GPR143: variants seen among roughly 807,000 people sequenced by gnomAD.
GPR143 encodes G-protein coupled receptor 143.
Under a neutral mutation model 27.6 loss-of-function variants are expected in GPR143, and 8 were observed. That is an observed-to-expected ratio of 0.29 (90% CI 0.17 to 0.52). GPR143 has a LOEUF of 0.52. Among genes scored for constraint, GPR143 ranks in the 20% least tolerant of loss-of-function variants. GPR143 has a pLI of 0.96. For synonymous variants in GPR143, 156 were observed against 153.2 expected, an observed-to-expected ratio of 1.02 and a Z score of -0.13; for missense variants, 303 against 343.1, an observed-to-expected ratio of 0.88 and a Z score of 0.92.
At chrX:9,756,250 A>G (rs779307904) in intron 3 of GPR143, among the ~76,000 whole-genome samples, 8 of 112,444 alleles carry the variant, frequency 7.1e-5, no homozygotes, top group Non-Finnish European at 1.3e-4. Context: ...CCTGTGCACA[A>G]AAATTCTAAG....
intron 3 of GPR143, among the ~76,000 whole-genome samples, chrX:9,749,461 A>G (rs762366622): frequency 9.0e-6 from 1 of 111,006 alleles, no homozygotes; most frequent in South Asian, 3.9e-4. Context: ...CCCAGCCCCT[A>G]GCAACCACTA....
At chrX:9,730,448 C>T (rs1205648076) in intron 8 of GPR143, among the ~76,000 whole-genome samples, 3 of 111,963 alleles carry the variant, frequency 2.7e-5, no homozygotes, top group Non-Finnish European at 5.6e-5. Context: ...GAAGACACCA[C>T]GTGTTACTTT....
Position 9,746,076 on chromosome X carries a change from T to C in GPR143, c.626A>G (p.Asn209Ser). 8.3e-7 allele frequency: 1 copy of C among 1,201,399 alleles called. No homozygotes were observed. Reference sequence around the variant, plus strand: ...CACTGTCTTTTGGAACAGGATGGGGTTCGCCACGAGAACCAGCAGCAGGGG... The same window carrying C: ...CACTGTCTTTTGGAACAGGATGGGGCTCGCCACGAGAACCAGCAGCAGGGG... ...YLPLLLVLVA[N>S]PILFQKTVTA... is the part of the protein sequence containing the mutation. The change falls in exon 5 of 9, where the codon AAC (asparagine) becomes AGC (serine). Residue 209 changes from asparagine to serine, a missense_variant. Transcript: ENST00000467482.
At chrX:9,742,529 G>A (rs16985696) in intron 6 of GPR143, among the ~76,000 whole-genome samples, 6,507 of 111,672 alleles carry the variant, frequency 0.058, 445 homozygotes, top group African/African-American at 0.2. Context: ...ACCACGACCC[G>A]CGCAGGTGAA....
At chrX:9,739,933 G>A (rs1480963497) in intron 7 of GPR143, among the ~76,000 whole-genome samples, 1 of 111,572 alleles carries the variant, frequency 9.0e-6, no homozygotes, top group Non-Finnish European at 1.9e-5. Flanking sequence ...TACCTTCAAG[G>A]GTGCCTGAAA....
At chrX:9,750,360 C>T (rs2083446231) in intron 3 of GPR143, among the ~76,000 whole-genome samples, 2 of 108,770 alleles carry the variant, frequency 1.8e-5, no homozygotes, top group Non-Finnish European at 3.8e-5. Context: ...CAGGCATGCA[C>T]CACCATGCCC....
At chrX:9,733,428 G>A (rs1348103503) in intron 8 of GPR143, among the ~76,000 whole-genome samples, 1 of 110,593 alleles carries the variant, frequency 9.0e-6, no homozygotes, top group African/African-American at 3.3e-5. Flanking sequence ...GTAATTGTGG[G>A]AAAGATGGGG....
chrX:9,725,980 CAAAAAAAAA>C lies in GPR143; in HGVS notation c.1121-149_1121-141del, dbSNP rs35066814. 50 of 354,790 alleles carry C rather than the reference CAAAAAAAAA, an allele frequency of 1.4e-4. No individual in the cohort carries two copies. The Admixed American group carries it at 1.5e-3, about 11-fold the overall frequency. 29.2% of individuals were successfully genotyped at this position (354,790 alleles called of 1,213,427 possible). A position where few individuals can be genotyped will look rare whatever the true frequency, so the allele number is the denominator to read the frequency against. ...AAAGTCCTAGCATTCATCTCATCTG[CAAAAAAAAA>C]AAAAAAAAAAAAAAAAGGTGGGAGG... is the stretch of plus-strand genomic sequence containing the variant. On this transcript the variant is annotated intron_variant, in intron 8 of 8. Transcript: ENST00000467482.
intron 1 of GPR143, among the ~76,000 whole-genome samples, chrX:9,777,594 T>C (rs189396856): frequency 4.4e-4 from 49 of 111,382 alleles, no homozygotes; most frequent in African/African-American, 1.6e-3. Flanking sequence ...ATGCCATGTC[T>C]ATTCCTTTTA....
chrX:9,739,393 A>C, intron 8 of GPR143, 92 bp downstream of exon 8: 1 of 612,762 alleles, frequency 1.6e-6, no homozygotes, highest in Admixed American at 2.6e-5. Context: ...CGCCATGCAC[A>C]GGACAGCCCC....
At chrX:9,759,200 G>A (rs994775919) in intron 3 of GPR143, 132 bp downstream of exon 3, 19 of 509,751 alleles carry the variant, frequency 3.7e-5, no homozygotes, top group African/African-American at 2.8e-4. Context: ...GTTTCTAGGC[G>A]GAGGGGCCAG....
At chrX:9,736,783 G>A (rs1406953243) in intron 8 of GPR143, among the ~76,000 whole-genome samples, 1 of 112,185 alleles carries the variant, frequency 8.9e-6, no homozygotes, top group Non-Finnish European at 1.9e-5. Context: ...TTCTCAAAAG[G>A]CTTTCCTTTT....
chrX:9,775,724 T>C (rs1296479676), intron 1 of GPR143, among the ~76,000 whole-genome samples: 1 of 111,912 alleles, frequency 8.9e-6, no homozygotes, highest in African/African-American at 3.2e-5. Flanking sequence ...CCCACCCTCT[T>C]GAAGCTGCAC....
At chrX:9,749,183 G>T (rs1387826490) in intron 3 of GPR143, among the ~76,000 whole-genome samples, 1 of 111,126 alleles carries the variant, frequency 9.0e-6, no homozygotes, top group Non-Finnish European at 1.9e-5. Flanking sequence ...GTGATAGTGA[G>T]TGAGTTCTCA....
At chrX:9,761,266 G>C (rs780392959) in intron 1 of GPR143, among the ~76,000 whole-genome samples, 1 of 111,205 alleles carries the variant, frequency 9.0e-6, no homozygotes, top group African/African-American at 3.3e-5. Flanking sequence ...GCTAATTTTT[G>C]TATTTTTAGT....
At chrX:9,748,712 GGCCT>G in intron 3 of GPR143, 46 bp from the exon 4 acceptor site, 2 of 918,025 alleles carry the variant, frequency 2.2e-6, no homozygotes, top group Non-Finnish European at 3.2e-6. Context: ...GGGGCACAGA[GGCCT>G]GCCTGGAACT....
chrX:9,738,600 TC>T, intron 8 of GPR143: 3 of 496,913 alleles, frequency 6.0e-6, no homozygotes, highest in Non-Finnish European at 7.4e-6. Flanking sequence ...AAGTGAAACT[TC>T]CTTCAATGTA....
At chrX:9,766,903 TCACACACACACACACA>T (rs58553907), upstream of GPR143, among the ~76,000 whole-genome samples, 31 of 86,916 alleles carry the variant, frequency 3.6e-4, no homozygotes, top group South Asian at 6.5e-4. Flanking sequence ...TCTCTCTCTC[TCACACACACACACACA>T]CACACACACA....
At chrX:9,766,413 A>G (rs1178233366), upstream of GPR143, among the ~76,000 whole-genome samples, 1 of 112,058 alleles carries the variant, frequency 8.9e-6, no homozygotes, top group Non-Finnish European at 1.9e-5. Flanking sequence ...TTCGTTTACA[A>G]TTAATGAATG....
Sources: allele counts gnomAD v4.1 joint callset (sites outside exome capture counted in the v4.1 genomes callset), GRCh38; gene constraint gnomAD v4.1.1; transcripts MANE v1.5; gene names NCBI Gene and HGNC (gene_info 2026-07-23, HGNC 2026-07-21).